The following KIAA0825 variants were observed in gnomAD, a reference collection of about 807,000 sequenced individuals.
KIAA0825 encodes uncharacterized protein KIAA0825.
Under a neutral mutation model 147.6 loss-of-function variants are expected in KIAA0825, and 119 were observed. The observed-to-expected ratio is 0.81, with a 90% CI of 0.69 to 0.94. The LOEUF is 0.94. KIAA0825 is among the 40% of genes least tolerant of loss of function. The pLI is 0.00. For missense variants in KIAA0825, 1,381 were observed against 1,472.7 expected (o/e 0.94, Z 1.02); for synonymous variants, 470 against 518.1 (o/e 0.91, Z 1.26).
intron 20 of KIAA0825, among the ~76,000 whole-genome samples, chr5:94,368,151 T>C (rs1406604426): frequency 1.3e-5 from 2 of 152,106 alleles, no homozygotes; most frequent in African/African-American, 4.8e-5. Context: ...CATGGTGGGA[T>C]GAGATTATAA....
intron 20 of KIAA0825, among the ~76,000 whole-genome samples, chr5:94,269,926 A>G (rs576265781): frequency 6.6e-6 from 1 of 152,222 alleles, no homozygotes; most frequent in South Asian, 2.1e-4. Flanking sequence ...GAAAAAAAGA[A>G]GACCCAAATA....
chr5:94,284,715 C>T (rs1330702269), intron 20 of KIAA0825, among the ~76,000 whole-genome samples: 2 of 151,804 alleles, frequency 1.3e-5, no homozygotes, highest in Non-Finnish European at 2.9e-5. Context: ...TTCCTTTACC[C>T]TCTGTTTGCA....
At chr5:94,458,024 T>G (rs1167205434) in intron 12 of KIAA0825, among the ~76,000 whole-genome samples, 1 of 152,158 alleles carries the variant, frequency 6.6e-6, no homozygotes, top group African/African-American at 2.4e-5. Flanking sequence ...TGAAACTGAA[T>G]GACTAAGATA....
chr5:94,559,950 C>T (rs2152287702), intron 2 of KIAA0825, among the ~76,000 whole-genome samples: 1 of 152,314 alleles, frequency 6.6e-6, no homozygotes, highest in East Asian at 1.9e-4. Flanking sequence ...AAAGAATCTG[C>T]ATTAATGCAG....
chr5:94,498,465 T>TA (rs1764638771), intron 5 of KIAA0825, among the ~76,000 whole-genome samples: 1 of 152,206 alleles, frequency 6.6e-6, no homozygotes, highest in African/African-American at 2.4e-5. Flanking sequence ...ATGATTAAAA[T>TA]ACAGTTGAAG....
intron 20 of KIAA0825, among the ~76,000 whole-genome samples, chr5:94,187,402 GTTT>G (rs34689731): frequency 9.5e-6 from 1 of 105,692 alleles, no homozygotes; most frequent in South Asian, 3.7e-4. Context: ...AGAGAAAGGA[GTTT>G]TTTTTTTTTT....
chr5:94,327,126 A>G (rs1486672544), intron 20 of KIAA0825, among the ~76,000 whole-genome samples: 1 of 152,192 alleles, frequency 6.6e-6, no homozygotes, highest in Non-Finnish European at 1.5e-5. Context: ...TTACAGCAAG[A>G]TTGCTTTAAA....
intron 20 of KIAA0825, among the ~76,000 whole-genome samples, chr5:94,191,085 T>C (rs990283589): frequency 1.3e-5 from 2 of 152,180 alleles, no homozygotes; most frequent in Non-Finnish European, 2.9e-5. Context: ...AATATTAAAT[T>C]CCATTAAATG....
chr5:94,477,956 T>G (rs925556966), intron 6 of KIAA0825, among the ~76,000 whole-genome samples: 1 of 152,218 alleles, frequency 6.6e-6, no homozygotes, highest in African/African-American at 2.4e-5. Flanking sequence ...TTTTTTTGGC[T>G]TAGACATGGT....
intron 2 of KIAA0825, among the ~76,000 whole-genome samples, chr5:94,554,686 A>G (rs144716067): frequency 0.018 from 2,497 of 137,192 alleles, 62 homozygotes; most frequent in African/African-American, 0.053. Flanking sequence ...CTTTTGTAGC[A>G]CTTATATGAG....
chr5:94,532,341 G>C (rs1770965758), intron 3 of KIAA0825, among the ~76,000 whole-genome samples: 1 of 152,046 alleles, frequency 6.6e-6, no homozygotes, highest in Non-Finnish European at 1.5e-5. Flanking sequence ...TGTAGAGACA[G>C]TGTTTCGCCA....
chr5:94,346,197 G>A (rs939385466), intron 20 of KIAA0825, among the ~76,000 whole-genome samples: 6 of 152,046 alleles, frequency 3.9e-5, no homozygotes, highest in African/African-American at 1.4e-4. Context: ...CAATAGTCAA[G>A]AATATTCCTG....
intron 15 of KIAA0825, among the ~76,000 whole-genome samples, chr5:94,410,445 G>A (rs1194792213): frequency 6.6e-6 from 1 of 152,026 alleles, no homozygotes; most frequent in Non-Finnish European, 1.5e-5. Flanking sequence ...TGGCTGAAAA[G>A]TTTTCAAATT....
chr5:94,524,114 G>T lies in KIAA0825; in HGVS notation c.132-16C>A. ...ATGTTTTATGCTATAAAAAACAGAA[G>T]AAAAAGTTATTTTGGCAGGATATAG... On this transcript the variant is annotated splice_polypyrimidine_tract_variant and intron_variant, in intron 3 of 20. Coordinates refer to ENST00000682413, the MANE Select transcript of KIAA0825 (RefSeq NM_001145678.3). 1 of 1,570,334 alleles carries T rather than the reference G, an allele frequency of 6.4e-7. No homozygotes were observed. The highest frequency in any genetic ancestry group is 1.4e-5 in the African/African-American group (1 of 72,994).
intron 20 of KIAA0825, among the ~76,000 whole-genome samples, chr5:94,281,198 AACACACACAC>A (rs34358354): frequency 0.21 from 30,263 of 144,994 alleles, 3,376 homozygotes; most frequent in Non-Finnish European, 0.25. Flanking sequence ...TAAGTGATTT[AACACACACAC>A]ACACACACAC....
intron 5 of KIAA0825, among the ~76,000 whole-genome samples, chr5:94,518,119 G>T (rs1243978997): frequency 6.6e-6 from 1 of 152,086 alleles, no homozygotes; most frequent in Non-Finnish European, 1.5e-5. Context: ...CAAAGATTTC[G>T]TGAGCATAAA....
At chr5:94,537,835 T>C (rs1293543522) in intron 2 of KIAA0825, among the ~76,000 whole-genome samples, 1 of 152,080 alleles carries the variant, frequency 6.6e-6, no homozygotes, top group African/African-American at 2.4e-5. Flanking sequence ...TATACTCACC[T>C]GGAAATTGTA....
At chr5:94,565,095 C>CTTTTTTTTTTTTTTTTT (rs1176429699) in intron 2 of KIAA0825, among the ~76,000 whole-genome samples, 2,075 of 52,808 alleles carry the variant, frequency 0.039, 254 homozygotes, top group Non-Finnish European at 0.056. Context: ...TCTTGCTTTC[C>CTTTTTTTTTTTTTTTTT]TTTTTTTTTT....
chr5:94,440,073 G>A lies in KIAA0825; in HGVS notation c.2406C>T (p.Leu802=), dbSNP rs747962904. 15 of 1,551,472 alleles carry A rather than the reference G, an allele frequency of 9.7e-6. No individual in the cohort carries two copies. The East Asian group carries it at 3.7e-4, about 38-fold the overall frequency. ...GLKAEGQLKL[L]LSQPRCNWNL... ...TCCAGTTACAACGTGGCTGGGATAA[G>A]AGCAGTTTCAACTGACCCTCGGCTT... Residue 802 remains leucine (L), a synonymous_variant, in exon 14 of 21, where the codon CTC becomes CTT. Transcript: ENST00000682413.
Sources: allele counts gnomAD v4.1 joint callset (sites outside exome capture counted in the v4.1 genomes callset), GRCh38; gene constraint gnomAD v4.1.1; transcripts MANE v1.5; gene names NCBI Gene and HGNC (gene_info 2026-07-23, HGNC 2026-07-21).